Variants in PCM1 observed in about 807,000 individuals in gnomAD.
PCM1 encodes pericentriolar material 1, also known as pericentriolar material 1 protein.
A neutral mutation model predicts 241.9 loss-of-function variants in PCM1; 157 were observed. That is an observed-to-expected ratio of 0.65 (90% CI 0.57 to 0.74). The LOEUF (loss-of-function observed/expected upper bound fraction) is 0.74. Ranked by LOEUF, PCM1 falls within the 30% of genes least tolerant of loss-of-function variation. The probability of loss-of-function intolerance (pLI) is 0.00; values close to 1 mark genes in which losing one functional copy is unlikely to be tolerated. For missense variants in PCM1, 3,478 were observed against 2,360.1 expected, an observed-to-expected ratio of 1.47 and a Z score of -9.81; for synonymous variants, 1,085 against 784.9, an observed-to-expected ratio of 1.38 and a Z score of -6.39.
Position 17,953,075 on chromosome 8 carries a change from A to G in PCM1, c.1177A>G (p.Lys393Glu), listed in dbSNP as rs555277048. The G allele has an allele frequency of 1.9e-6, 3 of 1,605,626 alleles. No individual in the cohort carries two copies. The highest frequency in any genetic ancestry group is 1.1e-5 in the South Asian group (1 of 89,346). ...AGCTTCAGAACGTTTACCTGATGAG[A>G]AAGTCGAACTTTTTAGCAAAATGAG... ...PSASERLPDE[K>E]VELFSKMRVL... The change falls in exon 9 of 39, where the codon AAA becomes GAA. Residue 393 changes from lysine (K) to glutamate (E), a missense_variant. Lys to Glu is a moderately conservative substitution (Grantham distance 56, BLOSUM62 1). Transcript: ENST00000325083.
intron 29 of PCM1, among the ~76,000 whole-genome samples, chr8:17,997,459 C>G (rs1214411124): frequency 6.6e-6 from 1 of 152,138 alleles, no homozygotes; most frequent in Non-Finnish European, 1.5e-5. Flanking sequence ...TCTACCCCCT[C>G]TTTAAGGCCA....
At chr8:18,003,142 A>G (rs1176318343) in intron 29 of PCM1, among the ~76,000 whole-genome samples, 1 of 152,210 alleles carries the variant, frequency 6.6e-6, no homozygotes, top group Non-Finnish European at 1.5e-5. Flanking sequence ...CTGCCTCTCC[A>G]TGCTAAAATA....
chr8:18,029,894 A>G lies in PCM1; in HGVS notation c.*2232A>G, dbSNP rs1230900690. The G allele has an allele frequency of 1.0e-5, 2 of 191,360 alleles. No individual in the cohort carries two copies. The highest frequency in any genetic ancestry group is 1.9e-3 in the Middle Eastern group (1 of 538). 11.9% of individuals were successfully genotyped at this position (191,360 alleles called of 1,614,324 possible). A position where few individuals can be genotyped will look rare whatever the true frequency, so the allele number is the denominator to read the frequency against. On this transcript the variant is annotated 3_prime_UTR_variant, in exon 39 of 39. Transcript: ENST00000325083. ...GGAGGTACTCTTTGTATTTTGTAAC[A>G]TTGACTTTGGGTAAATGCTTTTTCA...
intron 36 of PCM1, among the ~76,000 whole-genome samples, chr8:18,022,353 T>C (rs1216149010): frequency 6.6e-6 from 1 of 152,200 alleles, no homozygotes; most frequent in Non-Finnish European, 1.5e-5. Context: ...TGGGAACTTT[T>C]CCTACTCAAA....
rs1164097981 is a variant in PCM1, at chr8:17,928,423, T to C, written c.-23+3643T>C. On this transcript the variant is annotated intron_variant, in intron 2 of 38. Transcript: ENST00000325083. ...ACACTTAGGAACACCTTTGGTTTCC[T>C]ACCACCACATCTGCTAAGCAGCCTC... Among the ~76,000 whole-genome samples, 4 of 152,120 alleles carry C rather than the reference T, an allele frequency of 2.6e-5. No homozygotes were observed. The East Asian group carries it at 7.7e-4, about 29-fold the overall frequency.
At chr8:17,968,310 C>T (rs1461969636) in intron 21 of PCM1, among the ~76,000 whole-genome samples, 1 of 151,946 alleles carries the variant, frequency 6.6e-6, no homozygotes, top group African/African-American at 2.4e-5. Flanking sequence ...GACGAGGGTG[C>T]CATTGAAGGA....
chr8:17,924,271 C>G (rs532325136), intron 1 of PCM1, among the ~76,000 whole-genome samples: 1 of 152,128 alleles, frequency 6.6e-6, no homozygotes, highest in Non-Finnish European at 1.5e-5. Context: ...GAAGGTAAAC[C>G]TGGTATTTAT....
intron 38 of PCM1, 124 bp downstream of exon 38, chr8:18,025,782 A>G: frequency 1.6e-6 from 1 of 610,592 alleles, no homozygotes; most frequent in Non-Finnish European, 2.9e-6. Context: ...TACTAGAAAG[A>G]AAGTGTAATT....
chr8:17,931,014 C>T (rs147536477), intron 2 of PCM1, among the ~76,000 whole-genome samples: 12 of 152,244 alleles, frequency 7.9e-5, no homozygotes, highest in Admixed American at 7.2e-4. Context: ...AAGTATTCTA[C>T]CCCCTATGGC....
intron 21 of PCM1, among the ~76,000 whole-genome samples, chr8:17,968,440 A>G (rs563002417): frequency 6.6e-6 from 1 of 152,352 alleles, no homozygotes; most frequent in African/African-American, 2.4e-5. Context: ...CTGTCATAAT[A>G]ATATGGAAAG....
Position 17,966,464 on chromosome 8 carries a change from A to G in PCM1, c.3212A>G (p.Asn1071Ser), listed in dbSNP as rs371562773. 9.9e-6 allele frequency: 16 copies of G among 1,613,456 alleles called. No individual in the cohort carries two copies. The Admixed American group carries it at 1.2e-4, about 12-fold the overall frequency. The change falls in exon 20 of 39, where the codon AAT (asparagine) becomes AGT (serine). Residue 1071 changes from asparagine (N) to serine (S), a missense_variant. Physicochemically the swap from Asn to Ser is conservative, Grantham distance 46. Transcript: ENST00000325083. ...CYTQLTWQQNNVQRLKQMLNE... is the reference protein window; with the variant it reads ...CYTQLTWQQNSVQRLKQMLNE... ...ACTCAGCTAACATGGCAACAGAATAATGTTCAGAGGTAATCTGTTTCTTAG... is the reference window on the plus strand; with the variant it reads ...ACTCAGCTAACATGGCAACAGAATAGTGTTCAGAGGTAATCTGTTTCTTAG...
intron 7 of PCM1, among the ~76,000 whole-genome samples, chr8:17,948,661 AT>A (rs1357493329): frequency 1.3e-5 from 2 of 152,184 alleles, no homozygotes; most frequent in African/African-American, 4.8e-5. Context: ...TACAGTAATA[AT>A]TACAAAGATT....
At position 17,966,397 on chromosome 8, in the gene PCM1, C is replaced by T; in HGVS notation, c.3145C>T (p.Pro1049Ser). 1 of 1,613,478 alleles carries T rather than the reference C, an allele frequency of 6.2e-7. No individual in the cohort carries two copies. The highest frequency in any genetic ancestry group is 1.1e-5 in the South Asian group (1 of 91,070). ...TGTTATGCCCAGCAATGTTGCATCT[C>T]CTCAAGTACACTTCATAATGCACCA... is the stretch of plus-strand genomic sequence containing the variant. ...YSVMPSNVAS[P>S]QVHFIMHQLN... The change falls in exon 20 of 39, where the codon CCT becomes TCT. Residue 1049 changes from proline (P) to serine (S), a missense_variant. By Grantham distance (74) the Pro-to-Ser change is moderately conservative. Transcript: ENST00000325083.
At chr8:17,971,199 C>G (rs1056149471) in intron 22 of PCM1, among the ~76,000 whole-genome samples, 4 of 152,126 alleles carry the variant, frequency 2.6e-5, no homozygotes, top group African/African-American at 9.7e-5. Context: ...ATTCTTAGCT[C>G]TCAGGTCATA....
intron 36 of PCM1, among the ~76,000 whole-genome samples, chr8:18,022,031 C>A (rs1426089111): frequency 6.6e-6 from 1 of 152,170 alleles, no homozygotes; most frequent in Non-Finnish European, 1.5e-5. Context: ...TTGGAAACAA[C>A]AGCAGAGAAA....
chr8:17,930,880 CA>C (rs571772013), intron 2 of PCM1, among the ~76,000 whole-genome samples: 9,258 of 127,114 alleles, frequency 0.073, 358 homozygotes, highest in Admixed American at 0.12. Flanking sequence ...ACTCTGTCTC[CA>C]AAAAAAAAAA....
At position 18,028,078 on chromosome 8, in the gene PCM1, A is replaced by ATAT. The variant is rs2094350664; in HGVS notation, c.*421_*423dup. 2 of 211,186 alleles carry ATAT rather than the reference A, an allele frequency of 9.5e-6. No individual in the cohort carries two copies. Among genetic ancestry groups the ATAT allele is most frequent in the Non-Finnish European group, 1.9e-5 (2 of 104,160 alleles). The allele number at this position is 211,186 out of a possible 1,614,324, so 13.1% of individuals were successfully genotyped here. On this transcript the variant is annotated 3_prime_UTR_variant, in exon 39 of 39. Transcript: ENST00000325083. ...ATGGTTAAGAGTTAGTTAGAGAAAT[A>ATAT]TATTATTTGTTATAAAGCCCATCCA...
intron 38 of PCM1, among the ~76,000 whole-genome samples, chr8:18,025,989 C>G (rs1050879275): frequency 1.1e-4 from 17 of 151,324 alleles, no homozygotes; most frequent in Non-Finnish European, 4.4e-5. Flanking sequence ...ATGGTGAAAC[C>G]CCGTCTCTAC....
intron 28 of PCM1, 110 bp from the exon 29 acceptor site, chr8:17,993,373 A>G: frequency 1.4e-6 from 1 of 690,744 alleles, no homozygotes; most frequent in Non-Finnish European, 2.2e-6. Context: ...TCTTTGTATT[A>G]TGTTAGCATA....
Sources: gnomAD v4.1 joint callset for allele counts (sites outside exome capture counted in the v4.1 genomes callset) on GRCh38, gnomAD v4.1.1 for gene constraint, MANE v1.5 for transcripts, NCBI Gene and HGNC (gene_info 2026-07-23, HGNC 2026-07-21) for gene names.